PCDH15: variants seen among roughly 807,000 people sequenced by gnomAD.
PCDH15 encodes protocadherin-15.
Under a neutral mutation model 178.5 loss-of-function variants are expected in PCDH15, and 129 were observed. The ratio of observed to expected loss-of-function variants is 0.72; its 90% confidence interval spans 0.63 to 0.84. PCDH15 has a LOEUF of 0.84. Ranked by LOEUF, PCDH15 falls within the 40% of genes least tolerant of loss-of-function variation. The pLI, the probability that PCDH15 is intolerant of heterozygous loss-of-function variation, is 0.00. For missense variants in PCDH15, 2,230 were observed against 2,099.9 expected, an observed-to-expected ratio of 1.06 and a Z score of -1.21; for synonymous variants, 800 against 732.0, an observed-to-expected ratio of 1.09 and a Z score of -1.50.
chr10:54,008,977 C>A (rs1046336758), intron 20 of PCDH15, among the ~76,000 whole-genome samples: 1 of 152,056 alleles, frequency 6.6e-6, no homozygotes, highest in African/African-American at 2.4e-5. Flanking sequence ...TAACAGATTT[C>A]TAAATGTTAT....
intron 3 of PCDH15, among the ~76,000 whole-genome samples, chr10:54,859,245 A>G (rs966982138): frequency 3.3e-5 from 5 of 152,058 alleles, no homozygotes; most frequent in Non-Finnish European, 5.9e-5. Flanking sequence ...CTTTCTCTCA[A>G]ATTAATATTC....
At chr10:54,311,092 T>G (rs1297919500) in intron 8 of PCDH15, among the ~76,000 whole-genome samples, 1 of 152,080 alleles carries the variant, frequency 6.6e-6, no homozygotes, top group Non-Finnish European at 1.5e-5. Flanking sequence ...AAAGCTAGAT[T>G]TTTTAAGACA....
At chr10:54,642,788 T>C (rs2094022344) in intron 2 of PCDH15, among the ~76,000 whole-genome samples, 1 of 152,172 alleles carries the variant, frequency 6.6e-6, no homozygotes, top group African/African-American at 2.4e-5. Context: ...AGTTTTACAT[T>C]TGGTAATAAA....
At chr10:54,467,605 T>G (rs1038029426) in intron 3 of PCDH15, among the ~76,000 whole-genome samples, 2 of 146,026 alleles carry the variant, frequency 1.4e-5, no homozygotes, top group South Asian at 2.1e-4. Context: ...GCTGTAGTTT[T>G]TTTTTTTTTT....
intron 2 of PCDH15, among the ~76,000 whole-genome samples, chr10:55,497,353 C>T (rs1840557338): frequency 6.6e-6 from 1 of 151,464 alleles, no homozygotes; most frequent in Non-Finnish European, 1.5e-5. Flanking sequence ...CATGCTTGAA[C>T]TCTTGAGCAT....
At chr10:54,466,994 T>A (rs1264198276) in intron 3 of PCDH15, among the ~76,000 whole-genome samples, 1 of 151,978 alleles carries the variant, frequency 6.6e-6, no homozygotes, top group Non-Finnish European at 1.5e-5. Context: ...GATTTGTGTA[T>A]GATTAATATT....
At position 53,903,262 on chromosome 10, in the gene PCDH15, G is replaced by GTAAA; in HGVS notation, c.3478_3481dup (p.Thr1161IlefsTer11). ...GCATACCTTCACTCTGAGTACAGAA[G>GTAAA]TAAACATTCTTGCATCTTCAGATAC... On this transcript the variant is annotated frameshift_variant, in exon 26 of 38. Transcript: ENST00000644397. LOFTEE classifies it high-confidence loss of function. 1 of 1,612,994 alleles carries GTAAA rather than the reference G, an allele frequency of 6.2e-7. No individual in the cohort carries two copies. The highest frequency in any genetic ancestry group is 8.5e-7 in the Non-Finnish European group (1 of 1,179,402).
chr10:53,811,486 A>T, intron 36 of PCDH15, 63 bp downstream of exon 36: 1 of 996,694 alleles, frequency 1.0e-6, no homozygotes, highest in Non-Finnish European at 1.4e-6. Context: ...ATAATCATTT[A>T]ATAATTTCCT....
chr10:55,276,928 G>T (rs1842610629), intron 1 of PCDH15, among the ~76,000 whole-genome samples: 1 of 151,986 alleles, frequency 6.6e-6, no homozygotes, highest in Non-Finnish European at 1.5e-5. Flanking sequence ...AGAGGATAAA[G>T]CTTTCCAGGT....
At chr10:54,486,489 T>G (rs974578825) in intron 3 of PCDH15, among the ~76,000 whole-genome samples, 1 of 152,038 alleles carries the variant, frequency 6.6e-6, no homozygotes, top group Non-Finnish European at 1.5e-5. Context: ...TACAGTTATA[T>G]TAAACTTAGA....
chr10:55,617,809 A>G (rs2132166952), intron 2 of PCDH15, among the ~76,000 whole-genome samples: 1 of 152,124 alleles, frequency 6.6e-6, no homozygotes, highest in East Asian at 1.9e-4. Context: ...CTGCAGACAA[A>G]TCACTCTTTC....
intron 2 of PCDH15, among the ~76,000 whole-genome samples, chr10:55,516,842 G>A (rs1220007331): frequency 6.6e-6 from 1 of 151,934 alleles, no homozygotes; most frequent in Non-Finnish European, 1.5e-5. Context: ...TTTTTTTTGT[G>A]AATTTGATCA....
At chr10:54,037,203 A>G (rs1001326823) in intron 18 of PCDH15, among the ~76,000 whole-genome samples, 4 of 151,984 alleles carry the variant, frequency 2.6e-5, no homozygotes, top group Non-Finnish European at 5.9e-5. Flanking sequence ...GATAATTTAG[A>G]ATATTTTATA....
At chr10:55,159,845 G>T (rs1839014581) in intron 2 of PCDH15, among the ~76,000 whole-genome samples, 1 of 149,172 alleles carries the variant, frequency 6.7e-6, no homozygotes, top group African/African-American at 2.5e-5. Flanking sequence ...TTATCCTTTT[G>T]CAAACGACGG....
At chr10:54,913,549 C>T (rs1954853622) in intron 2 of PCDH15, among the ~76,000 whole-genome samples, 1 of 152,220 alleles carries the variant, frequency 6.6e-6, no homozygotes, top group African/African-American at 2.4e-5. Context: ...GTTGGAGCCA[C>T]ACACAGAGTT....
At chr10:54,186,666 G>A (rs2048500655) in intron 11 of PCDH15, among the ~76,000 whole-genome samples, 1 of 151,868 alleles carries the variant, frequency 6.6e-6, no homozygotes, top group East Asian at 1.9e-4. Context: ...TCCAACTGGC[G>A]TATTTATTAT....
intron 2 of PCDH15, among the ~76,000 whole-genome samples, chr10:54,594,136 G>A (rs889985199): frequency 2.0e-5 from 3 of 152,072 alleles, no homozygotes; most frequent in Non-Finnish European, 2.9e-5. Context: ...CTCTCACCAT[G>A]AGCCTCTGGA....
At chr10:55,530,879 T>C (rs527574840) in intron 2 of PCDH15, among the ~76,000 whole-genome samples, 4 of 152,120 alleles carry the variant, frequency 2.6e-5, no homozygotes, top group South Asian at 2.1e-4. Context: ...ATGGTTCTTA[T>C]AGCTTTCAAT....
chr10:54,753,884 GTT>G (rs1946677703), intron 1 of PCDH15, among the ~76,000 whole-genome samples: 2 of 46,098 alleles, frequency 4.3e-5, no homozygotes, highest in Non-Finnish European at 8.7e-5. Flanking sequence ...TTGTTTTTTT[GTT>G]TGTTTGTGTT....
Sources: gnomAD v4.1 joint callset for allele counts (sites outside exome capture counted in the v4.1 genomes callset) on GRCh38, gnomAD v4.1.1 for gene constraint, MANE v1.5 for transcripts, NCBI Gene and HGNC (gene_info 2026-07-23, HGNC 2026-07-21) for gene names.